ZCCHC24: variants seen among roughly 807,000 people sequenced by gnomAD.
ZCCHC24 encodes zinc finger CCHC-type containing 24.
ZCCHC24 carries 10 observed loss-of-function variants against 26.2 expected under a neutral mutation model. The ratio of observed to expected loss-of-function variants is 0.38; its 90% CI spans 0.24 to 0.65. The LOEUF (loss-of-function observed/expected upper bound fraction) is 0.65, where lower values mean the gene tolerates loss of function less well. Among genes scored for constraint, ZCCHC24 ranks in the 30% least tolerant of loss-of-function variants. The pLI, the probability that ZCCHC24 is intolerant of heterozygous loss-of-function variation, is 0.54. For synonymous variants in ZCCHC24, 144 were observed against 147.1 expected (o/e 0.98, Z 0.15); for missense variants, 243 against 329.1 (o/e 0.74, Z 2.03).
chr10:79,392,901 G>T (rs187757944), intron 3 of ZCCHC24, among the ~76,000 whole-genome samples: 3 of 152,102 alleles, frequency 2.0e-5, no homozygotes, highest in African/African-American at 7.2e-5. Context: ...GAGGACCATC[G>T]CCTTATTGCC....
chr10:79,406,714 A>G (rs1008630328), intron 2 of ZCCHC24, among the ~76,000 whole-genome samples: 1 of 152,194 alleles, frequency 6.6e-6, no homozygotes, highest in African/African-American at 2.4e-5. Flanking sequence ...CAGAGAGGTT[A>G]AGAGATTTGC....
chr10:79,440,332 G>T (rs1857275612), intron 1 of ZCCHC24, among the ~76,000 whole-genome samples: 2 of 152,218 alleles, frequency 1.3e-5, no homozygotes, highest in African/African-American at 4.8e-5. Context: ...GCCAGCCCTG[G>T]ACTCATGCCC....
rs1391810511 is a variant in ZCCHC24, at chr10:79,384,467, C to T, written c.*1878G>A. ...GACAGAAGCCTGGGCCGGGGCCAACCCCAGCTCACCTCAACACCTTGGAGA... is the reference window on the plus strand; with the variant it reads ...GACAGAAGCCTGGGCCGGGGCCAACTCCAGCTCACCTCAACACCTTGGAGA... On this transcript the variant is annotated 3_prime_UTR_variant, in exon 4 of 4. Transcript: ENST00000372336. 6.6e-6 allele frequency: 1 copy of T among 152,512 alleles called. No individual in the cohort carries two copies. Among genetic ancestry groups the T allele is most frequent in the African/African-American group, 2.4e-5 (1 of 41,474 alleles). The allele number at this position is 152,512 out of a possible 1,614,324, so 9.4% of individuals were successfully genotyped here. A position where few individuals can be genotyped will look rare whatever the true frequency, so the allele number is the denominator to read the frequency against.
At chr10:79,389,923 T>A (rs1231790916) in intron 3 of ZCCHC24, among the ~76,000 whole-genome samples, 1 of 152,164 alleles carries the variant, frequency 6.6e-6, no homozygotes, top group African/African-American at 2.4e-5. Context: ...GCTGACTGTC[T>A]TTTTTAGAGA....
chr10:79,445,318 C>T lies in ZCCHC24; in HGVS notation c.123G>A (p.Arg41=), dbSNP rs779074792. 1.1e-5 allele frequency: 16 copies of T among 1,517,292 alleles called. No individual in the cohort carries two copies. The highest frequency in any genetic ancestry group is 1.4e-5 in the Non-Finnish European group (16 of 1,134,474). The allele number at this position is 1,517,292 out of a possible 1,614,324, so 94.0% of individuals were successfully genotyped here. A position where few individuals can be genotyped will look rare whatever the true frequency, so the allele number is the denominator to read the frequency against. Residue 41 remains arginine (R), a synonymous_variant, in exon 1 of 4, where the codon CGG becomes CGA. Transcript: ENST00000372336. ...GTGCGGCGCCGGCGGTCGGCTCGGGCCGGAAGGCATCGAAGGCGCTAGCCT... is the reference window on the plus strand; with the variant it reads ...GTGCGGCGCCGGCGGTCGGCTCGGGTCGGAAGGCATCGAAGGCGCTAGCCT... ...THQASAFDAF[R]PEPTAGAAPP... is the part of the protein sequence containing the mutation.
intron 2 of ZCCHC24, among the ~76,000 whole-genome samples, chr10:79,417,594 T>C (rs1324191648): frequency 6.6e-6 from 1 of 152,194 alleles, no homozygotes; most frequent in Non-Finnish European, 1.5e-5. Flanking sequence ...GGGCAAGTTA[T>C]GTAATCTGTT....
chr10:79,407,472 T>C (rs1271246106), intron 2 of ZCCHC24, among the ~76,000 whole-genome samples: 2 of 152,196 alleles, frequency 1.3e-5, no homozygotes, highest in East Asian at 1.9e-4. Context: ...CATCGGGGCA[T>C]TGGTACACTG....
In ZCCHC24 at chr10:79,416,802, G is replaced by A. The variant is rs1021515194; in HGVS notation, c.447+15756C>T. On this transcript the variant is annotated intron_variant, in intron 2 of 3. Coordinates refer to ENST00000372336, the MANE Select transcript of ZCCHC24 (RefSeq NM_153367.4). ...TCTGTGCCTCAGTTTCCTCCTCTGT[G>A]CAATGGGGATAAGAAGAGTGTCCAG... is the stretch of plus-strand genomic sequence containing the variant. Among the ~76,000 whole-genome samples, 18 of 152,274 alleles carry A rather than the reference G, an allele frequency of 1.2e-4. No individual in the cohort carries two copies. In the East Asian group the frequency reaches 3.5e-3, roughly 29 times the overall value.
chr10:79,444,232 C>T, intron 1 of ZCCHC24: 3 of 1,481,102 alleles, frequency 2.0e-6, no homozygotes, highest in Non-Finnish European at 2.7e-6. Context: ...CTGAAATTCC[C>T]AAATGAGGCA....
In ZCCHC24 at chr10:79,445,215, A is replaced by G; in HGVS notation, c.226T>C (p.Phe76Leu). Residue 76 changes from phenylalanine to leucine, a missense_variant, in exon 1 of 4, where the codon TTC (phenylalanine) becomes CTC (leucine). Phe to Leu is a conservative substitution (Grantham distance 22, BLOSUM62 0). This residue lies in a region of ZCCHC24 where 147 missense variants were observed against 150.8 expected (regional missense o/e 0.97). Transcript: ENST00000372336. ...CCCACCTCTCCGCGCTGCAGCTGGA[A>G]GAAGCTGTTGAGATAGCTGGAGTGC... ...PLHSSYLNSF[F>L]QLQRGEALSN... is the part of the protein sequence containing the mutation. 7.6e-7 allele frequency: 1 copy of G among 1,307,780 alleles called. No individual in the cohort carries two copies. Among genetic ancestry groups the G allele is most frequent in the East Asian group, 3.1e-5 (1 of 31,792 alleles). 81.0% of individuals were successfully genotyped at this position (1,307,780 alleles called of 1,614,324 possible).
intron 2 of ZCCHC24, among the ~76,000 whole-genome samples, chr10:79,413,178 C>T (rs1459345703): frequency 6.6e-6 from 1 of 152,240 alleles, no homozygotes; most frequent in Non-Finnish European, 1.5e-5. Flanking sequence ...CCTCCCCTCC[C>T]AGCATGCTGG....
At chr10:79,422,699 C>T (rs910986583) in intron 2 of ZCCHC24, among the ~76,000 whole-genome samples, 1 of 152,188 alleles carries the variant, frequency 6.6e-6, no homozygotes, top group African/African-American at 2.4e-5. Context: ...ATTAGCAGCC[C>T]TGGGCATGCT....
At chr10:79,387,640 A>AGG (rs1856417897) in intron 3 of ZCCHC24, among the ~76,000 whole-genome samples, 1 of 129,290 alleles carries the variant, frequency 7.7e-6, no homozygotes, top group Admixed American at 8.0e-5. Context: ...GAGGGGGCAG[A>AGG]ACCTGGACTG....
intron 2 of ZCCHC24, among the ~76,000 whole-genome samples, chr10:79,412,474 C>T (rs1292791610): frequency 1.3e-5 from 2 of 152,266 alleles, no homozygotes; most frequent in East Asian, 3.8e-4. Flanking sequence ...GTGTTCCACC[C>T]ATCTCCAGGG....
chr10:79,400,345 G>A (rs1018856382), intron 2 of ZCCHC24, among the ~76,000 whole-genome samples: 17 of 152,188 alleles, frequency 1.1e-4, no homozygotes, highest in African/African-American at 1.2e-4. Flanking sequence ...AACAATGCCC[G>A]GGTTCCCTAA....
intron 2 of ZCCHC24, among the ~76,000 whole-genome samples, chr10:79,431,301 G>C (rs1857123774): frequency 6.6e-6 from 1 of 152,200 alleles, no homozygotes; most frequent in African/African-American, 2.4e-5. Context: ...AACCCCAGGG[G>C]GGCTGAGGGT....
chr10:79,443,768 C>G (rs1589683358), intron 1 of ZCCHC24, among the ~76,000 whole-genome samples: 1 of 152,236 alleles, frequency 6.6e-6, no homozygotes, highest in South Asian at 2.1e-4. Flanking sequence ...AGCCAAGAAC[C>G]ATTCCTCACG....
At chr10:79,419,446 G>T (rs969182846) in intron 2 of ZCCHC24, among the ~76,000 whole-genome samples, 3 of 152,196 alleles carry the variant, frequency 2.0e-5, no homozygotes, top group East Asian at 1.9e-4. Context: ...GTGAGACTCC[G>T]CTGCCTGGGG....
chr10:79,423,581 C>CTATATATATATTTTATATATATATATATA, intron 2 of ZCCHC24, among the ~76,000 whole-genome samples: 63 of 53,746 alleles, frequency 1.2e-3, no homozygotes, highest in South Asian at 1.9e-3. Flanking sequence ...AATATATATA[C>CTATATATATATTTTATATATATATATATA]TATATATATA....
Sources: allele counts gnomAD v4.1 joint callset (sites outside exome capture counted in the v4.1 genomes callset), GRCh38; gene constraint gnomAD v4.1.1; regional missense constraint gnomAD v4.1.1; transcripts MANE v1.5; gene names NCBI Gene and HGNC (gene_info 2026-07-23, HGNC 2026-07-21).